The following FAM114A1 variants were observed in gnomAD, a reference collection of about 807,000 sequenced individuals.
The protein encoded by FAM114A1 is protein NOXP20.
Under a neutral mutation model 64.3 loss-of-function variants are expected in FAM114A1, and 62 were observed. That is an observed-to-expected ratio of 0.96 (90% CI 0.79 to 1.19). The LOEUF (loss-of-function observed/expected upper bound fraction) is 1.19. FAM114A1 is among the 50% of genes most tolerant of loss of function. The probability of loss-of-function intolerance (pLI) is 0.00; values close to 1 mark genes in which losing one functional copy is unlikely to be tolerated. For missense variants in FAM114A1, 645 were observed against 676.3 expected (o/e 0.95, Z 0.51); for synonymous variants, 254 against 251.1 (o/e 1.01, Z -0.11).
At chr4:38,873,579 AC>A (rs747974767) in intron 2 of FAM114A1, among the ~76,000 whole-genome samples, 5 of 152,252 alleles carry the variant, frequency 3.3e-5, no homozygotes, top group Non-Finnish European at 7.3e-5. Flanking sequence ...TAAGATAAAC[AC>A]AAAATGCCCT....
At position 38,911,023 on chromosome 4, in the gene FAM114A1, G is replaced by A. The variant is rs145749561; in HGVS notation, c.792+2297G>A. On this transcript the variant is annotated intron_variant, in intron 7 of 14. Transcript: ENST00000358869. The stretch of plus-strand genomic sequence containing the variant: ...CTGGTTCCTGGGTAGAAAATTGGCT[G>A]GGAGGACCAAGGGCAGGGAGACTGG... 4.3e-4 allele frequency among the ~76,000 whole-genome samples: 65 copies of A among 152,328 alleles called. 1 individual carries two copies. In the East Asian group the frequency reaches 0.011, roughly 25 times the overall value.
At chr4:38,878,857 C>A (rs1714936378) in intron 3 of FAM114A1, among the ~76,000 whole-genome samples, 1 of 152,176 alleles carries the variant, frequency 6.6e-6, no homozygotes, top group Non-Finnish European at 1.5e-5. Context: ...AATTAACAAG[C>A]CTGATTCCAC....
At chr4:38,895,507 C>A (rs1716842235) in intron 4 of FAM114A1, among the ~76,000 whole-genome samples, 1 of 152,190 alleles carries the variant, frequency 6.6e-6, no homozygotes, top group South Asian at 2.1e-4. Context: ...AAATTCTCCC[C>A]ATCATTGCTG....
chr4:38,873,644 G>A (rs914817911), intron 2 of FAM114A1, among the ~76,000 whole-genome samples: 2 of 152,190 alleles, frequency 1.3e-5, no homozygotes, highest in Admixed American at 1.3e-4. Flanking sequence ...AATGGAGGAG[G>A]CGGTTATTTT....
intron 7 of FAM114A1, among the ~76,000 whole-genome samples, chr4:38,912,986 G>A (rs556926937): frequency 6.6e-6 from 1 of 152,326 alleles, no homozygotes; most frequent in East Asian, 1.9e-4. Flanking sequence ...AGACAGGAGA[G>A]AGAATTCTCT....
intron 9 of FAM114A1, among the ~76,000 whole-genome samples, chr4:38,928,636 C>G (rs114386706): frequency 0.017 from 2,556 of 152,256 alleles, 75 homozygotes; most frequent in African/African-American, 0.057. Context: ...AATACTGTCT[C>G]TGTCCCTCAG....
At chr4:38,914,260 G>C (rs1382281386) in intron 7 of FAM114A1, among the ~76,000 whole-genome samples, 1 of 150,934 alleles carries the variant, frequency 6.6e-6, no homozygotes, top group Non-Finnish European at 1.5e-5. Context: ...GAAAATTTGG[G>C]GACTTTAGAA....
intron 13 of FAM114A1, 66 bp from the exon 14 acceptor site, chr4:38,940,902 A>G (rs1721532703): frequency 6.5e-7 from 1 of 1,534,830 alleles, no homozygotes; most frequent in South Asian, 1.1e-5. Flanking sequence ...AGTGTATTAC[A>G]TTTTACGTGG....
intron 3 of FAM114A1, among the ~76,000 whole-genome samples, chr4:38,887,565 C>A (rs1042116212): frequency 1.3e-5 from 2 of 152,274 alleles, no homozygotes; most frequent in African/African-American, 4.8e-5. Context: ...AGCTTAAAAT[C>A]AGAAGTCTAA....
intron 2 of FAM114A1, among the ~76,000 whole-genome samples, chr4:38,870,751 TGGAAACCGTCCCA>T (rs1298008737): frequency 2.6e-5 from 4 of 152,122 alleles, no homozygotes; most frequent in African/African-American, 9.7e-5. Context: ...CAGACGGAGA[TGGAAACCGTCCCA>T]GGAAACACAG....
At position 38,931,217 on chromosome 4, in the gene FAM114A1, T is replaced by C. The variant is rs185678165; in HGVS notation, c.1162-234T>C. On this transcript the variant is annotated intron_variant, in intron 10 of 14. Coordinates refer to ENST00000358869, the MANE Select transcript of FAM114A1 (RefSeq NM_138389.4). ...AATGCTTTTTGAAGAGTCCTCAGGC[T>C]TGCATTGTTCTTTCCATACCTTCTG... Among the ~76,000 whole-genome samples, 634 of 152,338 alleles carry C rather than the reference T, an allele frequency of 4.2e-3. 6 individuals carry two copies. Among genetic ancestry groups the C allele is most frequent in the South Asian group, 0.037 (177 of 4,826 alleles).
In FAM114A1 at chr4:38,927,696, T is replaced by C. The variant is rs567545073; in HGVS notation, c.1070-1546T>C. ...ATCTGTTTTGTTTTATTTTGTTTTG[T>C]TTTTTGAGACAGAGTCTTGCTCTGT... On this transcript the variant is annotated intron_variant, in intron 9 of 14. Transcript: ENST00000358869. 2.6e-5 allele frequency among the ~76,000 whole-genome samples: 4 copies of C among 152,260 alleles called. No homozygotes were observed. In the South Asian group the frequency reaches 8.3e-4, roughly 32 times the overall value.
At chr4:38,910,264 A>T (rs1718412151) in intron 7 of FAM114A1, among the ~76,000 whole-genome samples, 1 of 152,068 alleles carries the variant, frequency 6.6e-6, no homozygotes, top group South Asian at 2.1e-4. Context: ...GAGAAAGGAA[A>T]ATAGATTAGT....
At chr4:38,876,260 C>A (rs749983180) in intron 2 of FAM114A1, among the ~76,000 whole-genome samples, 8 of 150,816 alleles carry the variant, frequency 5.3e-5, no homozygotes, top group East Asian at 1.9e-4. Flanking sequence ...ACCTCCACCC[C>A]CCAGGTTCAA....
At chr4:38,883,039 G>C (rs749038817) in intron 3 of FAM114A1, among the ~76,000 whole-genome samples, 1 of 152,152 alleles carries the variant, frequency 6.6e-6, no homozygotes, top group Non-Finnish European at 1.5e-5. Context: ...CCATTGAATT[G>C]AGCCTTCTCC....
At chr4:38,897,245 C>T (rs1345255166) in intron 4 of FAM114A1, among the ~76,000 whole-genome samples, 1 of 152,104 alleles carries the variant, frequency 6.6e-6, no homozygotes, top group African/African-American at 2.4e-5. Context: ...TATGGAAAAA[C>T]GTGGGTGAAA....
chr4:38,908,144 A>T (rs921594625), intron 6 of FAM114A1, among the ~76,000 whole-genome samples: 5 of 152,214 alleles, frequency 3.3e-5, no homozygotes, highest in African/African-American at 1.2e-4. Context: ...AATTAGCAGG[A>T]CTGTTTGACA....
In FAM114A1 at chr4:38,905,610, A is replaced by G. The variant is rs779535699; in HGVS notation, c.525A>G (p.Pro175=). ...VNSGSSEGAQ[P]NTENGVPEIT... The stretch of plus-strand genomic sequence containing the variant: ...CTGGATCTTCTGAAGGAGCCCAACC[A>G]AATACTGAAAACGGAGTCCCTGAAA... The change falls in exon 5 of 15, where the codon CCA becomes CCG. Residue 175 remains proline, a synonymous_variant. Transcript: ENST00000358869. The G allele has an allele frequency of 2.5e-6, 4 of 1,614,166 alleles. No individual in the cohort carries two copies. Among genetic ancestry groups the G allele is most frequent in the Non-Finnish European group, 3.4e-6 (4 of 1,180,004 alleles).
chr4:38,885,044 G>A (rs7682017), intron 3 of FAM114A1, among the ~76,000 whole-genome samples: 41,987 of 151,592 alleles, frequency 0.28, 6,164 homozygotes, highest in African/African-American at 0.31. Flanking sequence ...GCATGATCTC[G>A]GCTCACTGCA....
Sources: allele counts gnomAD v4.1 joint callset (sites outside exome capture counted in the v4.1 genomes callset), GRCh38; gene constraint gnomAD v4.1.1; transcripts MANE v1.5; gene names NCBI Gene and HGNC (gene_info 2026-07-23, HGNC 2026-07-21).